Variants in PABPN1L observed in about 807,000 individuals in gnomAD.
PABPN1L encodes the protein PABPN1 like, cytoplasmic.
Under a neutral mutation model 34.0 loss-of-function variants are expected in PABPN1L, and 45 were observed. The observed-to-expected ratio is 1.32, with a 90% CI of 1.04 to 1.70. The LOEUF (loss-of-function observed/expected upper bound fraction) is 1.70, where lower values mean the gene tolerates loss of function less well. PABPN1L is among the 40% of genes most tolerant of loss of function. The probability of loss-of-function intolerance (pLI) is 0.00; values close to 1 mark genes in which losing one functional copy is unlikely to be tolerated. For missense variants in PABPN1L, 459 were observed against 367.8 expected (o/e 1.25, Z -2.03); for synonymous variants, 182 against 152.1 (o/e 1.20, Z -1.45).
chr16:88,864,138 T>C, intron 6 of PABPN1L, 99 bp downstream of exon 6: 1 of 1,414,606 alleles, frequency 7.1e-7, no homozygotes, highest in Middle Eastern at 2.5e-4. Flanking sequence ...GGTACATTCC[T>C]GCAGCCCCAT....
upstream of PABPN1L, chr16:88,866,666 C>A (rs1000393007): frequency 2.0e-6 from 3 of 1,465,534 alleles, no homozygotes; most frequent in African/African-American, 2.8e-5. Context: ...CCCTCGCGTC[C>A]GCACCTGCCC....
chr16:88,864,380 C>A lies in PABPN1L; in HGVS notation c.655-1G>T. ...GGAAGTTGGTTCTTTTCGGCAGCAC[C>A]TGGAGCAAAGGCCTGTTTTGAGTCC... On this transcript the variant is annotated splice_acceptor_variant, in intron 5 of 6. Transcript: ENST00000419291. LOFTEE classifies it high-confidence loss of function. 6.4e-7 allele frequency: 1 copy of A among 1,554,344 alleles called. No individual in the cohort carries two copies. Among genetic ancestry groups the A allele is most frequent in the Non-Finnish European group, 8.7e-7 (1 of 1,148,754 alleles).
chr16:88,867,951 G>A (rs577841707), upstream of PABPN1L, among the ~76,000 whole-genome samples: 66 of 152,346 alleles, frequency 4.3e-4, 1 homozygote, highest in South Asian at 0.013. Flanking sequence ...CTCTGTGACT[G>A]CACCCCGGTG....
chr16:88,864,959 A>AGGGGT lies in PABPN1L; in HGVS notation c.567-20_567-19insACCCC, dbSNP rs1567563976. On this transcript the variant is annotated intron_variant, in intron 4 of 6. Transcript: ENST00000419291. ...GGCATAACTGAGGGGAGGGGCAGGGAGGGGAGGGGTGAGGCTGGGCCCTGT... is the reference window on the plus strand; with the variant it reads ...GGCATAACTGAGGGGAGGGGCAGGGAGGGGTGGGGAGGGGTGAGGCTGGGCCCTGT... 1 of 924,432 alleles carries AGGGGT rather than the reference A, an allele frequency of 1.1e-6. No individual in the cohort carries two copies. Among genetic ancestry groups the AGGGGT allele is most frequent in the Non-Finnish European group, 1.7e-6 (1 of 599,722 alleles). The allele number at this position is 924,432 out of a possible 1,614,324, so 57.3% of individuals were successfully genotyped here.
upstream of PABPN1L, among the ~76,000 whole-genome samples, chr16:88,869,471 G>A (rs888991746): frequency 8.5e-5 from 13 of 152,194 alleles, no homozygotes; most frequent in Admixed American, 4.6e-4. Context: ...CCTGCTGTCC[G>A]TCCAGTGTTG....
upstream of PABPN1L, among the ~76,000 whole-genome samples, chr16:88,869,896 A>C (rs1279689331): frequency 6.6e-6 from 1 of 152,210 alleles, no homozygotes; most frequent in East Asian, 1.9e-4. Flanking sequence ...ACACTCTTCA[A>C]ATACACCCTG....
chr16:88,864,355 G>A (rs1475762009), exon 6 of PABPN1L: 3 of 1,556,226 alleles, frequency 1.9e-6, no homozygotes, highest in African/African-American at 1.4e-5. Context: ...CTGATCCCAG[G>A]GAAGTTGGTT....
intron 5 of PABPN1L, 87 bp from the exon 6 acceptor site, chr16:88,864,466 T>G (rs1390434691): frequency 1.4e-6 from 2 of 1,462,040 alleles, no homozygotes; most frequent in Non-Finnish European, 1.8e-6. Flanking sequence ...CCCCGGAGCA[T>G]GGGGTCCTGC....
At chr16:88,865,102 C>G (rs1199655156) in exon 4 of PABPN1L, 2 of 1,584,460 alleles carry the variant, frequency 1.3e-6, no homozygotes, top group African/African-American at 2.7e-5. Flanking sequence ...GGGCCTCCAG[C>G]TCCTCGGCGG....
intron 6 of PABPN1L, 113 bp from the exon 7 acceptor site, chr16:88,863,908 G>A (rs1271438454): frequency 1.8e-6 from 2 of 1,132,896 alleles, no homozygotes; most frequent in South Asian, 1.5e-5. Flanking sequence ...GGCTGCTCAG[G>A]CAATGCCCCA....
chr16:88,864,091 T>C (rs925264151), intron 6 of PABPN1L, 146 bp downstream of exon 6: 1 of 1,076,592 alleles, frequency 9.3e-7, no homozygotes, highest in Non-Finnish European at 1.3e-6. Flanking sequence ...CCCCACCAGC[T>C]GATGCAGCAG....
intron 5 of PABPN1L, among the ~76,000 whole-genome samples, chr16:88,864,623 C>G (rs532192346): frequency 1.4e-5 from 2 of 146,906 alleles, no homozygotes; most frequent in African/African-American, 2.6e-5. Context: ...GGCCAGCACC[C>G]CTGCAGAGGG....
chr16:88,866,354 G>A lies in PABPN1L; in HGVS notation c.253C>T (p.Gln85Ter). The change falls in exon 1 of 7, where the codon CAG (glutamine) becomes TAG (stop). Residue 85 changes from glutamine (Q) to a stop codon, truncating the protein, a stop_gained and splice_region_variant. Transcript: ENST00000419291. LOFTEE classifies it high-confidence loss of function. ...CAGGGCCTCCACACAGCTGTTACCT[G>A]GTCAGGCAATGGGCACTCAGCCAGG... is the stretch of plus-strand genomic sequence containing the variant. 1 of 1,549,368 alleles carries A rather than the reference G, an allele frequency of 6.5e-7. No individual in the cohort carries two copies. The highest frequency in any genetic ancestry group is 1.4e-5 in the African/African-American group (1 of 73,166).
At chr16:88,868,369 G>A (rs930660223), upstream of PABPN1L, among the ~76,000 whole-genome samples, 1 of 152,176 alleles carries the variant, frequency 6.6e-6, no homozygotes, top group African/African-American at 2.4e-5. Flanking sequence ...CTGGGAGGCC[G>A]AGGTGAGCGG....
chr16:88,864,786 G>A, intron 5 of PABPN1L, 67 bp downstream of exon 5: 1 of 1,464,038 alleles, frequency 6.8e-7, no homozygotes, highest in Non-Finnish European at 9.4e-7. Flanking sequence ...GGGCTGCTGT[G>A]TGTCCCAGGG....
chr16:88,868,706 C>T (rs139590546), upstream of PABPN1L, among the ~76,000 whole-genome samples: 11 of 151,948 alleles, frequency 7.2e-5, no homozygotes, highest in Admixed American at 3.9e-4. Flanking sequence ...AAAGGGAGGG[C>T]GGATAAAAGG....
At chr16:88,864,321 C>T (rs780996948) in exon 6 of PABPN1L, 30 of 1,555,280 alleles carry the variant, frequency 1.9e-5, no homozygotes, top group African/African-American at 1.2e-4. Flanking sequence ...TGGGTGTCCT[C>T]GAAGGCCCCC....
chr16:88,865,740 C>A (rs1394034525), intron 2 of PABPN1L, 66 bp downstream of exon 2: 11 of 1,558,262 alleles, frequency 7.1e-6, no homozygotes, highest in Admixed American at 1.8e-5. Flanking sequence ...GCCTGCCAGG[C>A]CCAACCTTAA....
intron 6 of PABPN1L, 50 bp downstream of exon 6, chr16:88,864,187 C>T: frequency 6.6e-7 from 1 of 1,522,052 alleles, no homozygotes. Flanking sequence ...CCCCTGATGC[C>T]CTCCACCATG....
Sources: gnomAD v4.1 joint callset for allele counts (sites outside exome capture counted in the v4.1 genomes callset) on GRCh38, gnomAD v4.1.1 for gene constraint, MANE v1.5 for transcripts, NCBI Gene and HGNC (gene_info 2026-07-23, HGNC 2026-07-21) for gene names.